The following HMCN2 variants were observed in gnomAD, a reference collection of about 807,000 sequenced individuals.
HMCN2 encodes hemicentin 2, also known as hemicentin-2.
Under a neutral mutation model 377.5 loss-of-function variants are expected in HMCN2, and 325 were observed. The ratio of observed to expected loss-of-function variants is 0.86; its 90% CI spans 0.79 to 0.94. HMCN2 has a LOEUF of 0.94. Among genes scored for constraint, HMCN2 ranks in the 40% least tolerant of loss-of-function variants. HMCN2 has a pLI of 0.00. For missense variants in HMCN2, 4,543 were observed against 4,725.3 expected (o/e 0.96, Z 1.13); for synonymous variants, 2,007 against 2,046.8 (o/e 0.98, Z 0.53).
At chr9:130,339,698 C>T (rs1306135134) in intron 23 of HMCN2, among the ~76,000 whole-genome samples, 2 of 152,200 alleles carry the variant, frequency 1.3e-5, no homozygotes, top group Non-Finnish European at 2.9e-5. Flanking sequence ...TTGTTTTCAG[C>T]GGTTGTGTGT....
At chr9:130,357,722 G>T in intron 34 of HMCN2, 112 bp from the exon 35 acceptor site, 1 of 740,924 alleles carries the variant, frequency 1.3e-6, no homozygotes. Flanking sequence ...CTAGCCTTTG[G>T]CCAGCCCTTC....
chr9:130,352,989 G>C lies in HMCN2; in HGVS notation c.4648G>C (p.Val1550Leu). The change falls in exon 31 of 98, where the codon GTG (valine) becomes CTG (leucine). Residue 1550 changes from valine to leucine, a missense_variant. By Grantham distance (32) the Val-to-Leu change is conservative. Coordinates refer to ENST00000683500, the MANE Select transcript of HMCN2 (RefSeq NM_001291815.2). ...GEVAVMEDHL[V>L]QLLCEARGVP... The stretch of plus-strand genomic sequence containing the variant: ...GGTGGCCGTCATGGAGGACCACCTA[G>C]TGCAGCTCCTGTGTGAGGCTCGAGG... 1 of 1,304,042 alleles carries C rather than the reference G, an allele frequency of 7.7e-7. No individual in the cohort carries two copies. Among genetic ancestry groups the C allele is most frequent in the Non-Finnish European group, 1.0e-6 (1 of 988,854 alleles). The allele number at this position is 1,304,042 out of a possible 1,614,324, so 80.8% of individuals were successfully genotyped here.
chr9:130,394,449 G>A lies in HMCN2; in HGVS notation c.10566G>A (p.Met3522Ile). ...TGTCGCTGACCCCCGGCGCCCCCAT[G>A]GAGCTCCTCTGTGATGCCCAGGGCA... is the stretch of plus-strand genomic sequence containing the variant. ...TELSLTPGAP[M>I]ELLCDAQGTP... is the part of the protein sequence containing the mutation. Residue 3522 changes from methionine to isoleucine, a missense_variant, in exon 69 of 98, where the codon ATG (methionine) becomes ATA (isoleucine). Met to Ile is a conservative substitution (Grantham distance 10). Coordinates refer to ENST00000683500, the MANE Select transcript of HMCN2 (RefSeq NM_001291815.2). This position sits in a 1 kb window ranked among gnomAD's most constrained non-coding sequence, Gnocchi z 5.1. 1 of 1,289,798 alleles carries A rather than the reference G, an allele frequency of 7.8e-7. No homozygotes were observed. Among genetic ancestry groups the A allele is most frequent in the Non-Finnish European group, 1.0e-6 (1 of 988,830 alleles). 79.9% of individuals were successfully genotyped at this position (1,289,798 alleles called of 1,614,324 possible). A position where few individuals can be genotyped will look rare whatever the true frequency, so the allele number is the denominator to read the frequency against.
chr9:130,326,583 T>G (rs1283935066), intron 21 of HMCN2, among the ~76,000 whole-genome samples: 1 of 145,182 alleles, frequency 6.9e-6, no homozygotes, highest in Non-Finnish European at 1.5e-5. Flanking sequence ...TTTTATATTG[T>G]AAAAAAAAAA....
chr9:130,333,093 G>A (rs2131443826), intron 22 of HMCN2, among the ~76,000 whole-genome samples: 1 of 152,300 alleles, frequency 6.6e-6, no homozygotes, highest in East Asian at 1.9e-4. Context: ...GCATGGACAG[G>A]GAACAGATGC....
chr9:130,433,800 C>T lies in HMCN2; in HGVS notation c.*107C>T. On this transcript the variant is annotated 3_prime_UTR_variant, in exon 98 of 98. Coordinates refer to ENST00000683500, the MANE Select transcript of HMCN2 (RefSeq NM_001291815.2). ...TGGCAAGCGGAGCGTCATCGTCTCC[C>T]GCCCCGTGCGTCAGCGAGACCTTGG... 1.1e-6 allele frequency: 1 copy of T among 928,888 alleles called. No individual in the cohort carries two copies. Among genetic ancestry groups the T allele is most frequent in the Non-Finnish European group, 1.5e-6 (1 of 660,888 alleles). The allele number at this position is 928,888 out of a possible 1,614,324, so 57.5% of individuals were successfully genotyped here. A position where few individuals can be genotyped will look rare whatever the true frequency, so the allele number is the denominator to read the frequency against.
At chr9:130,407,777 T>C in intron 83 of HMCN2, 72 bp downstream of exon 83, 1 of 1,108,546 alleles carries the variant, frequency 9.0e-7, no homozygotes, top group Non-Finnish European at 1.1e-6. Flanking sequence ...ATTGGTTTCC[T>C]AAGAACCCAG....
rs755711972 is a variant in HMCN2 at position 130,360,506 on chromosome 9, G to T, written c.5852G>T (p.Arg1951Leu). The part of the protein sequence containing the change: ...VTVSVDGRVL[R>L]IEQAQLSDAG... ...GTATCAGTGGATGGGAGAGTTCTCC[G>T]CATTGAGCAAGCCCAGCTTTCTGAT... The change falls in exon 38 of 98, where the codon CGC becomes CTC. Residue 1951 changes from arginine (R) to leucine (L), a missense_variant. Coordinates refer to ENST00000683500, the MANE Select transcript of HMCN2 (RefSeq NM_001291815.2). The surrounding 1 kb of genome is among the most constrained non-coding windows in gnomAD (Gnocchi z 4.7). 4 of 1,303,948 alleles carry T rather than the reference G, an allele frequency of 3.1e-6. No individual in the cohort carries two copies. The African/African-American group carries it at 4.6e-5, about 15-fold the overall frequency. The allele number at this position is 1,303,948 out of a possible 1,614,324, so 80.8% of individuals were successfully genotyped here.
At chr9:130,266,388 G>T (rs540433428) in intron 1 of HMCN2, among the ~76,000 whole-genome samples, 1 of 149,380 alleles carries the variant, frequency 6.7e-6, no homozygotes, top group East Asian at 2.1e-4. Flanking sequence ...CTCCCGCGCC[G>T]TTGTGAGACT....
chr9:130,353,599 A>T (rs1478076467), intron 31 of HMCN2, among the ~76,000 whole-genome samples: 1 of 152,226 alleles, frequency 6.6e-6, no homozygotes, highest in Non-Finnish European at 1.5e-5. Flanking sequence ...TCATTTGATC[A>T]GCTGGCAAAG....
rs911254233 is a variant in HMCN2, at chr9:130,362,988, A to G, written c.6230A>G (p.His2077Arg). The change falls in exon 40 of 98, where the codon CAC becomes CGC. Residue 2077 changes from histidine to arginine, a missense_variant and splice_region_variant. By Grantham distance (29) the His-to-Arg change is conservative. Coordinates refer to ENST00000683500, the MANE Select transcript of HMCN2 (RefSeq NM_001291815.2). Reference protein sequence around the residue: ...EDRQDVVLQVHMPPSILGEEL... With the variant: ...EDRQDVVLQVRMPPSILGEEL... ...CGCCAGGATGTTGTCCTGCAAGTCC[A>G]CAGTGAGTCTCAGACTGGGAAAGCC... is the stretch of plus-strand genomic sequence containing the variant. 4.1e-6 allele frequency: 4 copies of G among 985,854 alleles called. No individual in the cohort carries two copies. The highest frequency in any genetic ancestry group is 4.8e-6 in the Non-Finnish European group (4 of 830,012). The allele number at this position is 985,854 out of a possible 1,614,324, so 61.1% of individuals were successfully genotyped here.
rs1029917967 is a variant in HMCN2, at chr9:130,287,470, G to A, written c.612+1160G>A. 5.5e-5 allele frequency among the ~76,000 whole-genome samples: 8 copies of A among 144,998 alleles called. No homozygotes were observed. The East Asian group carries it at 1.5e-3, about 27-fold the overall frequency. On this transcript the variant is annotated intron_variant, in intron 4 of 97. Coordinates refer to ENST00000683500, the MANE Select transcript of HMCN2 (RefSeq NM_001291815.2). ...TTCAATATTAAGTCTCCTATTGCTTGAACCTGGGAGGCGGAGGTTGTGGTG... is the reference window on the plus strand; with the variant it reads ...TTCAATATTAAGTCTCCTATTGCTTAAACCTGGGAGGCGGAGGTTGTGGTG...
In HMCN2 at chr9:130,375,652, G is replaced by T; in HGVS notation, c.7720G>T (p.Ala2574Ser). The T allele has an allele frequency of 4.1e-6, 4 of 985,958 alleles. No individual in the cohort carries two copies. Among genetic ancestry groups the T allele is most frequent in the Non-Finnish European group, 4.8e-6 (4 of 829,992 alleles). 61.1% of individuals were successfully genotyped at this position (985,958 alleles called of 1,614,324 possible). A position where few individuals can be genotyped will look rare whatever the true frequency, so the allele number is the denominator to read the frequency against. Residue 2574 changes from alanine to serine, a missense_variant, in exon 50 of 98, where the codon GCC becomes TCC. Ala to Ser is a moderately conservative substitution (Grantham distance 99, BLOSUM62 1). This residue lies in a region of HMCN2 where 736 missense variants were observed against 773.2 expected (regional missense o/e 0.95). Transcript: ENST00000683500. ...CAACCCCATCTCTCTGATCTGCGAG[G>T]CCCTGGCCTTCCCTTCCCCCAACAT... The part of the protein sequence containing the change: ...VNNPISLICE[A>S]LAFPSPNITW...
At chr9:130,387,256 T>A (rs1414188060) in intron 61 of HMCN2, among the ~76,000 whole-genome samples, 1 of 152,182 alleles carries the variant, frequency 6.6e-6, no homozygotes, top group African/African-American at 2.4e-5. Context: ...TTAGTTAGAA[T>A]AGAGACTTAG....
Position 130,387,408 on chromosome 9 carries a change from G to A in HMCN2, c.9391+884G>A, listed in dbSNP as rs113442779. On this transcript the variant is annotated intron_variant, in intron 61 of 97. Transcript: ENST00000683500. The stretch of plus-strand genomic sequence containing the variant: ...AAGGGACCCGGGTTCCTTCCCTCCT[G>A]TTGATCTTCCATTTCTTAGGGTGTT... 7.1e-3 allele frequency among the ~76,000 whole-genome samples: 1,079 copies of A among 152,326 alleles called. 26 individuals carry two copies. The highest frequency in any genetic ancestry group is 0.024 in the African/African-American group (1,003 of 41,576).
intron 82 of HMCN2, 25 bp downstream of exon 82, chr9:130,406,193 G>C: frequency 1.6e-6 from 2 of 1,288,436 alleles, no homozygotes; most frequent in Non-Finnish European, 2.0e-6. Context: ...GGCATGGGTG[G>C]GACAGAGAGC....
intron 85 of HMCN2, among the ~76,000 whole-genome samples, chr9:130,411,463 G>T (rs781118230): frequency 1.3e-5 from 2 of 151,962 alleles, no homozygotes; most frequent in Admixed American, 6.6e-5. Context: ...TTAGCTGGGC[G>T]TGGTGGCACG....
intron 7 of HMCN2, among the ~76,000 whole-genome samples, chr9:130,297,384 C>T (rs1346668601): frequency 3.3e-5 from 5 of 152,196 alleles, no homozygotes; most frequent in African/African-American, 7.2e-5. Context: ...CCTGCATGCC[C>T]GCTATGGTTC....
chr9:130,301,272 A>T (rs1200850346), intron 8 of HMCN2, among the ~76,000 whole-genome samples: 1 of 152,210 alleles, frequency 6.6e-6, no homozygotes, highest in Non-Finnish European at 1.5e-5. Context: ...TTGAGGAGGA[A>T]CTTTCAGGAA....
Sources: allele counts gnomAD v4.1 joint callset (sites outside exome capture counted in the v4.1 genomes callset), GRCh38; gene constraint gnomAD v4.1.1; regional missense constraint gnomAD v4.1.1; non-coding constraint Gnocchi (gnomAD v3.1); transcripts MANE v1.5; gene names NCBI Gene and HGNC (gene_info 2026-07-23, HGNC 2026-07-21).